PRKG1: variants seen among roughly 807,000 people sequenced by gnomAD.
PRKG1 encodes cGMP-dependent protein kinase 1.
Under a neutral mutation model 88.1 loss-of-function variants are expected in PRKG1, and 35 were observed. That is an observed-to-expected ratio of 0.40 (90% CI 0.30 to 0.53). The LOEUF is 0.53. Among genes scored for constraint, PRKG1 ranks in the 20% least tolerant of loss-of-function variants. The pLI is 0.59. For synonymous variants in PRKG1, 303 were observed against 292.5 expected (o/e 1.04, Z -0.37); for missense variants, 540 against 839.8 (o/e 0.64, Z 4.41).
chr10:52,101,661 T>G (rs565913429), intron 7 of PRKG1, among the ~76,000 whole-genome samples: 2 of 152,310 alleles, frequency 1.3e-5, no homozygotes, highest in Non-Finnish European at 2.9e-5. Flanking sequence ...ATGAGGTAGA[T>G]GGTTATTTTA....
At chr10:51,285,765 G>A (rs1840423894) in intron 2 of PRKG1, among the ~76,000 whole-genome samples, 1 of 152,130 alleles carries the variant, frequency 6.6e-6, no homozygotes. Context: ...GAGATGAAAG[G>A]GCTGAGGCAA....
Position 51,446,414 on chromosome 10 carries a change from C to T in PRKG1, c.479-21309C>T, listed in dbSNP as rs190604036. On this transcript the variant is annotated intron_variant, in intron 2 of 17. Transcript: ENST00000373980. ...AATTCTTGATCTATTTCTTCTTCAA[C>T]CTTTACTTCCTAGTTCTTGATTATC... Among the ~76,000 whole-genome samples the T allele has an allele frequency of 2.0e-5, 3 of 151,948 alleles. No individual in the cohort carries two copies. In the East Asian group the frequency reaches 5.8e-4, roughly 29 times the overall value.
At chr10:51,437,528 A>G (rs1588957220) in intron 2 of PRKG1, among the ~76,000 whole-genome samples, 1 of 151,954 alleles carries the variant, frequency 6.6e-6, no homozygotes, top group East Asian at 1.9e-4. Context: ...GCTTAATGGT[A>G]AATTCCTGGA....
chr10:51,229,431 A>G lies in PRKG1; in HGVS notation c.478+76101A>G, dbSNP rs530366450. 5.3e-5 allele frequency among the ~76,000 whole-genome samples: 8 copies of G among 152,310 alleles called. No individual in the cohort carries two copies. The East Asian group carries it at 7.7e-4, about 15-fold the overall frequency. On this transcript the variant is annotated intron_variant, in intron 2 of 17. Coordinates refer to ENST00000373980, the MANE Select transcript of PRKG1 (RefSeq NM_006258.4). ...TTCTTCCAGAAATTTAAGGACTACT[A>G]TTAGGCTGAGAGTCACTTTAAGGTT...
chr10:51,732,162 T>C (rs568773646), intron 3 of PRKG1, among the ~76,000 whole-genome samples: 12 of 152,214 alleles, frequency 7.9e-5, no homozygotes, highest in Admixed American at 2.0e-4. Context: ...TGGGCTCAAG[T>C]GATCTGCCTG....
At chr10:51,873,621 G>A (rs1403763931) in intron 4 of PRKG1, among the ~76,000 whole-genome samples, 2 of 150,128 alleles carry the variant, frequency 1.3e-5, no homozygotes, top group Admixed American at 6.6e-5. Flanking sequence ...TCTGCCTCCC[G>A]GGTTTAAGCA....
In PRKG1 at chr10:51,605,378, A is replaced by C. The variant is rs186351812; in HGVS notation, c.592+137542A>C. Among the ~76,000 whole-genome samples, 37 of 152,108 alleles carry C rather than the reference A, an allele frequency of 2.4e-4. No individual in the cohort carries two copies. In the East Asian group the frequency reaches 6.8e-3, roughly 28 times the overall value. On this transcript the variant is annotated intron_variant, in intron 3 of 17. Transcript: ENST00000373980. ...TCATTAGGGCTCCCTGCCCTTCTCT[A>C]CCTAGCACTTCCCTGCCCCACTCTC...
At chr10:51,485,092 C>T (rs1391660070) in intron 3 of PRKG1, among the ~76,000 whole-genome samples, 3 of 152,134 alleles carry the variant, frequency 2.0e-5, no homozygotes, top group Non-Finnish European at 4.4e-5. Context: ...AAATCTAATA[C>T]AAGCCTTTTG....
At chr10:51,851,334 G>A (rs569015551) in intron 4 of PRKG1, among the ~76,000 whole-genome samples, 1 of 152,302 alleles carries the variant, frequency 6.6e-6, no homozygotes, top group East Asian at 1.9e-4. Context: ...GTTATTACAA[G>A]TGGAGTTTGT....
chr10:51,307,253 A>G (rs1194206930), intron 2 of PRKG1, among the ~76,000 whole-genome samples: 3 of 152,130 alleles, frequency 2.0e-5, no homozygotes, highest in Non-Finnish European at 4.4e-5. Flanking sequence ...GTTTACATTT[A>G]TTGAGTGTTT....
intron 3 of PRKG1, among the ~76,000 whole-genome samples, chr10:51,771,265 C>G (rs11819300): frequency 6.6e-6 from 1 of 151,980 alleles, no homozygotes; most frequent in Non-Finnish European, 1.5e-5. Flanking sequence ...ATTCCGTATG[C>G]GGTCCATTGT....
chr10:51,746,473 G>A (rs1837581465), intron 3 of PRKG1, among the ~76,000 whole-genome samples: 1 of 152,036 alleles, frequency 6.6e-6, no homozygotes, highest in Admixed American at 6.6e-5. Flanking sequence ...TGTAACCTTA[G>A]CACTTTGGGA....
chr10:51,564,378 G>A (rs914442527), intron 3 of PRKG1, among the ~76,000 whole-genome samples: 1 of 152,058 alleles, frequency 6.6e-6, no homozygotes, highest in Non-Finnish European at 1.5e-5. Context: ...GAGTTTGGGG[G>A]CAGTGGTTAA....
At chr10:51,288,044 T>G (rs1840486237) in intron 2 of PRKG1, among the ~76,000 whole-genome samples, 1 of 152,078 alleles carries the variant, frequency 6.6e-6, no homozygotes, top group Non-Finnish European at 1.5e-5. Context: ...TTATTCTTCA[T>G]CTGTTCTTTT....
intron 2 of PRKG1, among the ~76,000 whole-genome samples, chr10:51,304,747 C>T (rs1840989992): frequency 1.3e-5 from 2 of 149,814 alleles, no homozygotes; most frequent in African/African-American, 4.9e-5. Context: ...GGTTTTTCGT[C>T]CTTGCAATAG....
chr10:52,279,120 T>G (rs990893191), intron 12 of PRKG1, among the ~76,000 whole-genome samples: 2 of 152,128 alleles, frequency 1.3e-5, no homozygotes, highest in Non-Finnish European at 2.9e-5. Flanking sequence ...AACATGCTAC[T>G]CTTGACAGGT....
intron 4 of PRKG1, among the ~76,000 whole-genome samples, chr10:51,816,104 A>G (rs936878205): frequency 6.6e-6 from 1 of 152,182 alleles, no homozygotes; most frequent in African/African-American, 2.4e-5. Context: ...TACCAATATG[A>G]TTTTACTAAG....
At chr10:51,334,339 G>A (rs1207903837) in intron 2 of PRKG1, among the ~76,000 whole-genome samples, 1 of 152,046 alleles carries the variant, frequency 6.6e-6, no homozygotes, top group African/African-American at 2.4e-5. Context: ...ACCTTTCTAA[G>A]ATATGTGTTA....
At chr10:51,898,650 C>CA (rs1841910819) in intron 4 of PRKG1, among the ~76,000 whole-genome samples, 1 of 152,164 alleles carries the variant, frequency 6.6e-6, no homozygotes, top group Non-Finnish European at 1.5e-5. Context: ...GCCTGGGCAA[C>CA]ATGGTGAGAC....
Sources: gnomAD v4.1 joint callset for allele counts (sites outside exome capture counted in the v4.1 genomes callset) on GRCh38, gnomAD v4.1.1 for gene constraint, MANE v1.5 for transcripts, NCBI Gene and HGNC (gene_info 2026-07-23, HGNC 2026-07-21) for gene names.